The following RPS6KA3 variants were observed in gnomAD, a reference collection of about 807,000 sequenced individuals.
RPS6KA3 encodes the protein ribosomal protein S6 kinase alpha-3.
In RPS6KA3, 4 loss-of-function variants were observed where a neutral mutation model predicts 67.2. That is an observed-to-expected ratio of 0.06 (90% CI 0.03 to 0.14). The LOEUF (loss-of-function observed/expected upper bound fraction) is 0.14. RPS6KA3 is among the 10% of genes least tolerant of loss of function. The probability of loss-of-function intolerance (pLI) is 1.00; values close to 1 mark genes in which losing one functional copy is unlikely to be tolerated. For synonymous variants in RPS6KA3, 182 were observed against 183.7 expected (o/e 0.99, Z 0.07); for missense variants, 204 against 559.0 (o/e 0.36, Z 6.40).
chrX:20,196,808 C>G (rs1248191410), intron 4 of RPS6KA3, among the ~76,000 whole-genome samples: 8 of 111,832 alleles, frequency 7.2e-5, no homozygotes, highest in Admixed American at 6.6e-4. Context: ...CTTGCCCGAT[C>G]GCTACAACTC....
intron 2 of RPS6KA3, among the ~76,000 whole-genome samples, chrX:20,227,509 T>C (rs1044362128): frequency 6.3e-5 from 7 of 111,344 alleles, no homozygotes; most frequent in African/African-American, 2.0e-4. Flanking sequence ...TCCAATCTTT[T>C]ATATAGGATT....
At chrX:20,248,135 ATCACCTT>A (rs1237986661) in intron 1 of RPS6KA3, among the ~76,000 whole-genome samples, 1 of 112,474 alleles carries the variant, frequency 8.9e-6, no homozygotes, top group Non-Finnish European at 1.9e-5. Context: ...TTTGTGTAAT[ATCACCTT>A]AGTAGGCTAT....
chrX:20,176,598 T>C (rs975394580), intron 11 of RPS6KA3, 100 bp from the exon 12 acceptor site: 7 of 566,262 alleles, frequency 1.2e-5, no homozygotes, highest in Non-Finnish European at 2.0e-5. Context: ...AATTAATTAA[T>C]TAATTAATTT....
Position 20,187,966 on chromosome X carries a change from G to A in RPS6KA3, c.636C>T (p.Phe212=), listed in dbSNP as rs1443341207. 2 of 1,203,170 alleles carry A rather than the reference G, an allele frequency of 1.7e-6. No homozygotes were observed. Among genetic ancestry groups the A allele is most frequent in the Non-Finnish European group, 2.2e-6 (2 of 888,916 alleles). ...DEEGHIKLTD[F]GLSKESIDHE... is the part of the protein sequence containing the mutation. ...GGTCAATAGACTCTTTACTTAGGCC[G>A]AAATCTGCCAAAACAAATATCATAA... The change falls in exon 9 of 22, where the codon TTC becomes TTT. Residue 212 remains phenylalanine, a synonymous_variant. Coordinates refer to ENST00000379565, the MANE Select transcript of RPS6KA3 (RefSeq NM_004586.3).
intron 2 of RPS6KA3, among the ~76,000 whole-genome samples, chrX:20,230,083 G>A (rs945926299): frequency 2.7e-5 from 3 of 112,629 alleles, no homozygotes; most frequent in Non-Finnish European, 5.6e-5. Flanking sequence ...TGGTTTTGGA[G>A]AGGGTAGGAA....
intron 4 of RPS6KA3, among the ~76,000 whole-genome samples, chrX:20,201,841 T>G (rs757360855): frequency 5.4e-5 from 6 of 111,254 alleles, no homozygotes; most frequent in African/African-American, 2.0e-4. Flanking sequence ...TTAACAATTT[T>G]TGTATTACTA....
intron 8 of RPS6KA3, among the ~76,000 whole-genome samples, chrX:20,188,219 G>A (rs990019065): frequency 2.7e-5 from 3 of 110,649 alleles, no homozygotes; most frequent in Non-Finnish European, 5.7e-5. Context: ...GATTACAGGC[G>A]TGCACCACCA....
At chrX:20,229,932 T>C (rs757753725) in intron 2 of RPS6KA3, among the ~76,000 whole-genome samples, 1 of 112,182 alleles carries the variant, frequency 8.9e-6, no homozygotes, top group Non-Finnish European at 1.9e-5. Flanking sequence ...TAGGAGAAAG[T>C]ACAAACCATT....
chrX:20,181,383 G>A (rs183358037), intron 10 of RPS6KA3, among the ~76,000 whole-genome samples: 1 of 110,944 alleles, frequency 9.0e-6, no homozygotes, highest in African/African-American at 3.3e-5. Flanking sequence ...AAACTATGGA[G>A]GGAGGGAGTG....
At chrX:20,188,240 A>AT (rs1053129242) in intron 8 of RPS6KA3, among the ~76,000 whole-genome samples, 2 of 109,695 alleles carry the variant, frequency 1.8e-5, no homozygotes, top group African/African-American at 6.6e-5. Flanking sequence ...TGCCCAGCTC[A>AT]TTTTTTTGTA....
intron 11 of RPS6KA3, among the ~76,000 whole-genome samples, chrX:20,176,726 G>C (rs940205237): frequency 1.1e-4 from 12 of 110,415 alleles, no homozygotes; most frequent in Admixed American, 8.8e-4. Flanking sequence ...TGAGTAGCTG[G>C]GACTACAGGC....
chrX:20,180,066 GCAACAGAGCAAGA>G (rs2067804243), intron 10 of RPS6KA3, among the ~76,000 whole-genome samples: 2 of 110,614 alleles, frequency 1.8e-5, no homozygotes. Context: ...TCGAGTCTGG[GCAACAGAGCAAGA>G]CCTCATCTCC....
At chrX:20,234,843 A>G in intron 1 of RPS6KA3, 29 bp from the exon 2 acceptor site, 1 of 1,089,954 alleles carries the variant, frequency 9.2e-7, no homozygotes, top group Non-Finnish European at 1.3e-6. Flanking sequence ...GCAGGAAGTT[A>G]CCAAAACAGA....
chrX:20,211,847 G>A (rs1351923587), intron 2 of RPS6KA3, among the ~76,000 whole-genome samples: 1 of 111,775 alleles, frequency 8.9e-6, no homozygotes, highest in Non-Finnish European at 1.9e-5. Flanking sequence ...AGCCATTTAT[G>A]CCTTTAAATC....
At chrX:20,233,517 T>C (rs912278887) in intron 2 of RPS6KA3, among the ~76,000 whole-genome samples, 6 of 110,847 alleles carry the variant, frequency 5.4e-5, no homozygotes, top group Non-Finnish European at 5.7e-5. Context: ...GGCAGGAGGA[T>C]TGCCTGAGGC....
upstream of RPS6KA3, chrX:20,267,028 C>T: frequency 6.6e-6 from 5 of 754,716 alleles, no homozygotes; most frequent in Non-Finnish European, 7.8e-6. Flanking sequence ...AACATGGCGC[C>T]TAAGCGATAC....
At chrX:20,209,101 T>A (rs750338027) in intron 3 of RPS6KA3, among the ~76,000 whole-genome samples, 187 bp downstream of exon 3, 14 of 111,871 alleles carry the variant, frequency 1.3e-4, no homozygotes, top group Non-Finnish European at 2.3e-4. Context: ...TTTACTGAAG[T>A]CTCCAACGTA....
chrX:20,251,575 TCTAA>T (rs1239965435), intron 1 of RPS6KA3, among the ~76,000 whole-genome samples: 1 of 112,467 alleles, frequency 8.9e-6, no homozygotes, highest in Non-Finnish European at 1.9e-5. Flanking sequence ...TTCATTTCTC[TCTAA>T]CTGCTTTAAA....
At chrX:20,234,695 A>G in intron 2 of RPS6KA3, 63 bp downstream of exon 2, 1 of 816,847 alleles carries the variant, frequency 1.2e-6, no homozygotes, top group South Asian at 2.1e-5. Context: ...TCAGCTGAAA[A>G]ATAATAATAA....
Sources: allele counts gnomAD v4.1 joint callset (sites outside exome capture counted in the v4.1 genomes callset), GRCh38; gene constraint gnomAD v4.1.1; transcripts MANE v1.5; gene names NCBI Gene and HGNC (gene_info 2026-07-23, HGNC 2026-07-21).